Variants in ZBTB25 observed in about 807,000 individuals in gnomAD.
ZBTB25 encodes zinc finger and BTB domain containing 25.
ZBTB25 carries 20 observed loss-of-function variants against 34.2 expected under a neutral mutation model. The ratio of observed to expected loss-of-function variants is 0.58; its 90% CI spans 0.41 to 0.85. The LOEUF is 0.85. Among genes scored for constraint, ZBTB25 ranks in the 40% least tolerant of loss-of-function variants. ZBTB25 has a pLI of 0.00. For synonymous variants in ZBTB25, 175 were observed against 186.4 expected, an observed-to-expected ratio of 0.94 and a Z score of 0.50; for missense variants, 437 against 521.8, an observed-to-expected ratio of 0.84 and a Z score of 1.58.
chr14:64,492,681 T>C lies in ZBTB25; in HGVS notation c.-7-2141A>G, dbSNP rs1279473515. Among the ~76,000 whole-genome samples the C allele has an allele frequency of 4.6e-5, 7 of 151,382 alleles. 1 individual carries two copies. The highest frequency in any genetic ancestry group is 4.1e-4 in the South Asian group (2 of 4,820). On this transcript the variant is annotated intron_variant, in intron 1 of 2. Coordinates refer to ENST00000608382, the MANE Select transcript of ZBTB25 (RefSeq NM_006977.5). Reference sequence around the variant, plus strand: ...CCCATTATATTGAACTACTGAACCATAGGGAAATGAGACATAGCACACTAA... The same window carrying C: ...CCCATTATATTGAACTACTGAACCACAGGGAAATGAGACATAGCACACTAA...
chr14:64,492,117 C>CAAGAAAAAAA (rs2079101316), intron 1 of ZBTB25, among the ~76,000 whole-genome samples: 1 of 74,016 alleles, frequency 1.4e-5, no homozygotes, highest in Non-Finnish European at 2.5e-5. Context: ...GACCCTATCT[C>CAAGAAAAAAA]AAAAAAAAAA....
Position 64,487,671 on chromosome 14 carries a change from C to A in ZBTB25, c.560G>T (p.Cys187Phe). 2.5e-6 allele frequency: 4 copies of A among 1,607,120 alleles called. No individual in the cohort carries two copies. The highest frequency in any genetic ancestry group is 3.4e-6 in the Non-Finnish European group (4 of 1,176,684). The stretch of plus-strand genomic sequence containing the variant: ...CTCCTCCAGGGCCTGGGTGGCAGGA[C>A]AGGCCCTCTGCTGGTCTGCAGTGCC... ...DDGTADQQRA[C>F]PATQALEEHQ... The change falls in exon 3 of 3, where the codon TGT becomes TTT. Residue 187 changes from cysteine to phenylalanine, a missense_variant. Coordinates refer to ENST00000608382, the MANE Select transcript of ZBTB25 (RefSeq NM_006977.5).
chr14:64,451,488 G>C (rs2078372344), intron 2 of ZBTB25, among the ~76,000 whole-genome samples: 2 of 152,186 alleles, frequency 1.3e-5, no homozygotes, highest in Admixed American at 6.5e-5. Context: ...TTCTCCTGTT[G>C]AGCTTTGATT....
rs751883884 is a variant in ZBTB25 at position 64,487,587 on chromosome 14, G to A, written c.644C>T (p.Ser215Phe). Residue 215 changes from serine (S) to phenylalanine (F), a missense_variant, in exon 3 of 3, where the codon TCC (serine) becomes TTC (phenylalanine). Transcript: ENST00000608382. The stretch of plus-strand genomic sequence containing the variant: ...TGATGAGGGTGAGGGGTGGCTCTGG[G>A]AGATCACAGATTCTGGGTCACATCT... Reference protein sequence around the residue: ...QERCDPESVISQSHPSPSSEV... With the variant: ...QERCDPESVIFQSHPSPSSEV... The A allele has an allele frequency of 6.2e-7, 1 of 1,607,326 alleles. No individual in the cohort carries two copies. Among genetic ancestry groups the A allele is most frequent in the South Asian group, 1.1e-5 (1 of 90,326 alleles).
Position 64,489,978 on chromosome 14 carries a change from C to T in ZBTB25, c.173+383G>A, listed in dbSNP as rs544140518. On this transcript the variant is annotated intron_variant, in intron 2 of 2. Coordinates refer to ENST00000608382, the MANE Select transcript of ZBTB25 (RefSeq NM_006977.5). The stretch of plus-strand genomic sequence containing the variant: ...ATCCCAGCACTTTGGGAGGCTGAGG[C>T]AGGCGGATCACCTGAGGTCAGGAGT... Among the ~76,000 whole-genome samples the T allele has an allele frequency of 8.1e-3, 1,220 of 151,130 alleles. 17 individuals are homozygous for T. Among genetic ancestry groups the T allele is most frequent in the African/African-American group, 0.028 (1,159 of 41,232 alleles).
At chr14:64,498,548 C>A (rs28666045) in intron 1 of ZBTB25, among the ~76,000 whole-genome samples, 5 of 152,088 alleles carry the variant, frequency 3.3e-5, no homozygotes, top group South Asian at 4.1e-4. Flanking sequence ...TGACCTCAGG[C>A]GATCCGCCTG....
chr14:64,504,702 T>TCGCCGCGTAAGCGGGGC, upstream of ZBTB25: 1 of 367,470 alleles, frequency 2.7e-6, no homozygotes, highest in Admixed American at 4.6e-5. Flanking sequence ...AGACCCGGAG[T>TCGCCGCGTAAGCGGGGC]CGCCGCGTAA....
chr14:64,469,542 G>C lies in ZBTB25; in HGVS notation c.174-19904C>G, dbSNP rs1457161934. ...GCTAATGATAATGGTTTTGAGGATA[G>C]AACTTCAGAACAATATGAAACACTC... On this transcript the variant is annotated intron_variant, in intron 2 of 2. Transcript: ENST00000555220. 1 of 1,613,808 alleles carries C rather than the reference G, an allele frequency of 6.2e-7. No individual in the cohort carries two copies. The highest frequency in any genetic ancestry group is 8.5e-7 in the Non-Finnish European group (1 of 1,179,964).
intron 2 of ZBTB25, among the ~76,000 whole-genome samples, chr14:64,456,086 A>G (rs1341866863): frequency 1.3e-5 from 2 of 152,120 alleles, no homozygotes; most frequent in Non-Finnish European, 1.5e-5. Context: ...GGGTAGCTGT[A>G]CTCTTTCTTG....
At chr14:64,496,906 T>A (rs1191853951) in intron 1 of ZBTB25, among the ~76,000 whole-genome samples, 1 of 152,180 alleles carries the variant, frequency 6.6e-6, no homozygotes, top group East Asian at 1.9e-4. Context: ...TGTGAGGTAG[T>A]AGAGCAGGTA....
downstream of ZBTB25, among the ~76,000 whole-genome samples, chr14:64,477,336 G>A (rs919114321): frequency 6.6e-6 from 1 of 152,160 alleles, no homozygotes; most frequent in Non-Finnish European, 1.5e-5. Flanking sequence ...ACCAGTTTGA[G>A]AGAGCAGCAA....
chr14:64,458,826 T>C (rs902205183), intron 2 of ZBTB25, among the ~76,000 whole-genome samples: 2 of 152,210 alleles, frequency 1.3e-5, no homozygotes, highest in Non-Finnish European at 2.9e-5. Context: ...TGAGTGACAT[T>C]GCATTGTTTG....
chr14:64,458,750 A>G (rs1359647902), intron 2 of ZBTB25: 9 of 215,908 alleles, frequency 4.2e-5, no homozygotes, highest in Middle Eastern at 1.9e-3. Context: ...AGAAAAGAGA[A>G]GGAAACAGGA....
chr14:64,485,363 G>A lies in ZBTB25; in HGVS notation c.*1560C>T. The A allele has an allele frequency of 2.0e-6, 2 of 985,280 alleles. No homozygotes were observed. The highest frequency in any genetic ancestry group is 2.4e-6 in the Non-Finnish European group (2 of 829,864). The allele number at this position is 985,280 out of a possible 1,614,324, so 61.0% of individuals were successfully genotyped here. ...GTGAAGCTTAGAATTTAACAAGAGG[G>A]CAAAAAAAGATGAGTCTGTTTTATT... is the stretch of plus-strand genomic sequence containing the variant. On this transcript the variant is annotated 3_prime_UTR_variant, in exon 3 of 3. Coordinates refer to ENST00000608382, the MANE Select transcript of ZBTB25 (RefSeq NM_006977.5).
chr14:64,469,349 G>A, intron 2 of ZBTB25: 1 of 1,613,920 alleles, frequency 6.2e-7, no homozygotes, highest in Middle Eastern at 1.7e-4. Context: ...AGATTTTAAA[G>A]AAAATGGGAT....
chr14:64,485,451 T>A lies in ZBTB25; in HGVS notation c.*1472A>T, dbSNP rs1307173471. The A allele has an allele frequency of 3.0e-5, 30 of 985,274 alleles. No homozygotes were observed. Among genetic ancestry groups the A allele is most frequent in the Non-Finnish European group, 3.6e-5 (30 of 829,876 alleles). 61.0% of individuals were successfully genotyped at this position (985,274 alleles called of 1,614,324 possible). ...AGAAACAATTTAGATCTATCCTTTG[T>A]GGTGAAGCTTAACCAGCTATTTCCC... On this transcript the variant is annotated 3_prime_UTR_variant, in exon 3 of 3. Coordinates refer to ENST00000608382, the MANE Select transcript of ZBTB25 (RefSeq NM_006977.5).
chr14:64,457,519 G>T (rs1224734843), intron 2 of ZBTB25, among the ~76,000 whole-genome samples: 1 of 150,830 alleles, frequency 6.6e-6, no homozygotes, highest in African/African-American at 2.4e-5. Context: ...GCAGTGGCAA[G>T]ATCTCGGCTC....
rs896955299 is a variant in ZBTB25 at position 64,480,831 on chromosome 14, A to C, written c.*6092T>G. ...TAATTTTTTGTGTTTTACTAGAGACAGGGTTTCACCATGTTGTCCAGGATG... is the reference window on the plus strand; with the variant it reads ...TAATTTTTTGTGTTTTACTAGAGACCGGGTTTCACCATGTTGTCCAGGATG... On this transcript the variant is annotated 3_prime_UTR_variant, in exon 3 of 3. Coordinates refer to ENST00000608382, the MANE Select transcript of ZBTB25 (RefSeq NM_006977.5). The C allele has an allele frequency of 3.3e-5, 5 of 152,106 alleles. No individual in the cohort carries two copies. The highest frequency in any genetic ancestry group is 1.2e-4 in the African/African-American group (5 of 41,360). 9.4% of individuals were successfully genotyped at this position (152,106 alleles called of 1,614,324 possible). A position where few individuals can be genotyped will look rare whatever the true frequency, so the allele number is the denominator to read the frequency against.
At chr14:64,488,209 T>C (rs935330791) in intron 2 of ZBTB25, 152 bp from the exon 3 acceptor site, 2 of 1,241,634 alleles carry the variant, frequency 1.6e-6, no homozygotes, top group Non-Finnish European at 1.1e-6. Context: ...AGGCTTAAAC[T>C]TTCATTTTAT....
Sources: allele counts gnomAD v4.1 joint callset (sites outside exome capture counted in the v4.1 genomes callset), GRCh38; gene constraint gnomAD v4.1.1; transcripts MANE v1.5; gene names NCBI Gene and HGNC (gene_info 2026-07-23, HGNC 2026-07-21).